Variants in C2CD3 observed in about 807,000 individuals in gnomAD.
The protein encoded by C2CD3 is C2 domain containing 3 centriole elongation regulator.
Under a neutral mutation model 234.0 loss-of-function variants are expected in C2CD3, and 148 were observed. That is an observed-to-expected ratio of 0.63 (90% CI 0.55 to 0.72). The LOEUF is 0.72. Among genes scored for constraint, C2CD3 ranks in the 30% least tolerant of loss-of-function variants. C2CD3 has a pLI of 0.00. For missense variants in C2CD3, 2,577 were observed against 2,811.5 expected (o/e 0.92, Z 1.89); for synonymous variants, 1,000 against 1,035.4 (o/e 0.97, Z 0.66).
At chr11:74,143,319 G>A (rs1854933525) in intron 3 of C2CD3, among the ~76,000 whole-genome samples, 1 of 151,984 alleles carries the variant, frequency 6.6e-6, no homozygotes, top group African/African-American at 2.4e-5. Flanking sequence ...GGTCAATGCA[G>A]CATTTTTTAA....
intron 26 of C2CD3, among the ~76,000 whole-genome samples, chr11:74,049,886 T>A (rs1953591497): frequency 1.4e-5 from 2 of 138,084 alleles, no homozygotes; most frequent in African/African-American, 7.1e-5. Flanking sequence ...ACTCAAGCAA[T>A]CCTCCCTCTT....
At chr11:74,017,791 G>T (rs1951932526) in intron 32 of C2CD3, among the ~76,000 whole-genome samples, 1 of 151,668 alleles carries the variant, frequency 6.6e-6, no homozygotes. Flanking sequence ...TTCTCCAAAA[G>T]CTCTCTCAGG....
At chr11:74,039,099 C>T (rs1952884918) in intron 29 of C2CD3, among the ~76,000 whole-genome samples, 2 of 152,150 alleles carry the variant, frequency 1.3e-5, no homozygotes, top group Admixed American at 6.5e-5. Context: ...GTGTCTATAT[C>T]GTGGTATATG....
intron 32 of C2CD3, among the ~76,000 whole-genome samples, chr11:74,021,243 C>CA (rs371106143): frequency 1.0e-3 from 157 of 150,814 alleles, no homozygotes; most frequent in African/African-American, 3.6e-3. Flanking sequence ...GACCCTGTCT[C>CA]AAAAAACAAA....
chr11:74,123,866 G>A (rs548969381), intron 7 of C2CD3, among the ~76,000 whole-genome samples: 1,704 of 151,456 alleles, frequency 0.011, 32 homozygotes, highest in African/African-American at 0.04. Context: ...AGCTTCCCTA[G>A]TAGCTGGGAT....
At position 74,161,411 on chromosome 11, in the gene C2CD3, A is replaced by C. The variant is rs1366705931; in HGVS notation, c.471T>G (p.Leu157=). 6.4e-7 allele frequency: 1 copy of C among 1,574,234 alleles called. No individual in the cohort carries two copies. Among genetic ancestry groups the C allele is most frequent in the Non-Finnish European group, 8.6e-7 (1 of 1,164,778 alleles). ...AATATATTTTTACCTGGAGTTCTCC[A>C]AGTTTCTTAGACGTTGATGAAACAA... ...FTIVSSTSKK[L]GELQVSLALE... The change falls in exon 3 of 33, where the codon CTT becomes CTG. Residue 157 remains leucine, a synonymous_variant. Transcript: ENST00000334126.
chr11:74,113,018 G>A (rs950055537), intron 11 of C2CD3, among the ~76,000 whole-genome samples: 2 of 152,190 alleles, frequency 1.3e-5, no homozygotes, highest in Non-Finnish European at 2.9e-5. Context: ...GCAGCATTAT[G>A]CAAAATTGCC....
intron 15 of C2CD3, among the ~76,000 whole-genome samples, chr11:74,099,109 A>G (rs1956217693): frequency 6.6e-6 from 1 of 152,204 alleles, no homozygotes; most frequent in Admixed American, 6.5e-5. Flanking sequence ...AAGTGGAAGA[A>G]GGGTAACACT....
At chr11:74,159,223 C>G (rs187803490) in intron 3 of C2CD3, among the ~76,000 whole-genome samples, 4 of 152,266 alleles carry the variant, frequency 2.6e-5, no homozygotes, top group African/African-American at 9.6e-5. Context: ...ATACATAATA[C>G]TTGATAATGA....
intron 3 of C2CD3, among the ~76,000 whole-genome samples, chr11:74,154,230 G>A (rs958051971): frequency 7.9e-5 from 12 of 151,934 alleles, no homozygotes; most frequent in Non-Finnish European, 1.6e-4. Context: ...GGCTGGGCAC[G>A]GTGGCTCAAA....
intron 7 of C2CD3, among the ~76,000 whole-genome samples, chr11:74,126,735 C>T (rs1455137976): frequency 1.3e-5 from 2 of 152,086 alleles, no homozygotes; most frequent in East Asian, 3.9e-4. Context: ...CAAAGCAAAA[C>T]TCTGTCTCAA....
At chr11:74,021,494 TAGA>T (rs888321375) in intron 32 of C2CD3, among the ~76,000 whole-genome samples, 2 of 151,958 alleles carry the variant, frequency 1.3e-5, no homozygotes. Flanking sequence ...CTTCAGCATA[TAGA>T]AGAAGAAGTA....
chr11:74,045,815 C>T (rs561103588), intron 28 of C2CD3, among the ~76,000 whole-genome samples: 12 of 152,236 alleles, frequency 7.9e-5, no homozygotes, highest in Admixed American at 7.8e-4. Context: ...TCAAGCAATC[C>T]TCTCACCTTG....
chr11:74,126,195 A>T (rs1181808569), intron 7 of C2CD3, among the ~76,000 whole-genome samples: 1 of 152,226 alleles, frequency 6.6e-6, no homozygotes, highest in African/African-American at 2.4e-5. Context: ...CAGAATCTTA[A>T]GACATTTCTG....
chr11:74,031,457 A>G (rs1045172053), intron 31 of C2CD3, among the ~76,000 whole-genome samples: 1 of 152,140 alleles, frequency 6.6e-6, no homozygotes, highest in African/African-American at 2.4e-5. Context: ...CCTTGTCTCT[A>G]TTGCACAATG....
At chr11:74,068,943 T>C (rs1954672559) in intron 24 of C2CD3, among the ~76,000 whole-genome samples, 1 of 152,178 alleles carries the variant, frequency 6.6e-6, no homozygotes, top group Non-Finnish European at 1.5e-5. Flanking sequence ...GTAGCTGGAA[T>C]TGCAGGCTTG....
intron 2 of C2CD3, among the ~76,000 whole-genome samples, chr11:74,165,097 C>T (rs544858224): frequency 1.1e-4 from 16 of 151,838 alleles, no homozygotes; most frequent in African/African-American, 3.6e-4. Flanking sequence ...AAAATAGATA[C>T]GAAGAAATAA....
intron 3 of C2CD3, among the ~76,000 whole-genome samples, chr11:74,159,367 C>T (rs531942455): frequency 6.6e-6 from 1 of 152,006 alleles, no homozygotes; most frequent in Admixed American, 6.6e-5. Flanking sequence ...AGGAGGTATT[C>T]CAGAAGAAGG....
Position 74,098,077 on chromosome 11 carries a change from T to C in C2CD3, c.2911A>G (p.Thr971Ala). 1 of 1,613,944 alleles carries C rather than the reference T, an allele frequency of 6.2e-7. No homozygotes were observed. The highest frequency in any genetic ancestry group is 8.5e-7 in the Non-Finnish European group (1 of 1,179,836). ...GGCCTAGGGCTGAAGGGAGGGAGTG[T>C]TCCTTCTTCATTCTTTAATCTTTGT... ...ALQRLKNEEG[T>A]LPPFSPRPAH... Residue 971 changes from threonine (T) to alanine (A), a missense_variant, in exon 16 of 33, where the codon ACA becomes GCA. By Grantham distance (58) the Thr-to-Ala change is moderately conservative. Transcript: ENST00000334126.
Sources: allele counts gnomAD v4.1 joint callset (sites outside exome capture counted in the v4.1 genomes callset), GRCh38; gene constraint gnomAD v4.1.1; transcripts MANE v1.5; gene names NCBI Gene and HGNC (gene_info 2026-07-23, HGNC 2026-07-21).